CDK8: variants seen among roughly 807,000 people sequenced by gnomAD.
The protein encoded by CDK8 is cyclin dependent kinase 8.
CDK8 carries 29 observed loss-of-function variants against 71.5 expected under a neutral mutation model. That is an observed-to-expected ratio of 0.41 (90% CI 0.30 to 0.55). The LOEUF is 0.55. Among genes scored for constraint, CDK8 ranks in the 20% least tolerant of loss-of-function variants. The pLI is 0.37. For synonymous variants in CDK8, 161 were observed against 192.1 expected (o/e 0.84, Z 1.34); for missense variants, 288 against 572.6 (o/e 0.50, Z 5.07).
At chr13:26,326,781 C>T (rs1875038215) in intron 1 of CDK8, among the ~76,000 whole-genome samples, 1 of 152,164 alleles carries the variant, frequency 6.6e-6, no homozygotes, top group Admixed American at 6.5e-5. Flanking sequence ...CAGTCTCTGT[C>T]TAATGATGCT....
intron 1 of CDK8, among the ~76,000 whole-genome samples, chr13:26,314,738 AT>A (rs1199466757): frequency 2.0e-5 from 3 of 152,228 alleles, no homozygotes; most frequent in Non-Finnish European, 4.4e-5. Flanking sequence ...AGTCTTAAAA[AT>A]ATACTCATTT....
intron 1 of CDK8, among the ~76,000 whole-genome samples, chr13:26,285,387 A>G (rs1258102915): frequency 1.3e-5 from 2 of 152,264 alleles, no homozygotes; most frequent in East Asian, 1.9e-4. Context: ...CATCACATAA[A>G]CAGAATTAAA....
intron 6 of CDK8, among the ~76,000 whole-genome samples, chr13:26,388,832 CCTTT>C (rs1565996200): frequency 6.6e-6 from 1 of 152,128 alleles, no homozygotes; most frequent in African/African-American, 2.4e-5. Flanking sequence ...GGGAGAGAGG[CCTTT>C]CTTCATATTT....
Position 26,311,406 on chromosome 13 carries a change from G to T in CDK8, c.129-26161G>T, listed in dbSNP as rs528283904. Reference sequence around the variant, plus strand: ...CTTGTTTGTCTGTTAGAATGCGTTTGGTCGCAAATAATAGGAAATTCTGAC... The same window carrying T: ...CTTGTTTGTCTGTTAGAATGCGTTTTGTCGCAAATAATAGGAAATTCTGAC... On this transcript the variant is annotated intron_variant, in intron 1 of 12. Coordinates refer to ENST00000381527, the MANE Select transcript of CDK8 (RefSeq NM_001260.3). 9.9e-5 allele frequency among the ~76,000 whole-genome samples: 15 copies of T among 152,200 alleles called. No homozygotes were observed. The South Asian group carries it at 2.9e-3, about 29-fold the overall frequency.
Position 26,270,405 on chromosome 13 carries a change from T to TAC in CDK8, c.128+15650_128+15651dup, listed in dbSNP as rs1181433454. Among the ~76,000 whole-genome samples the TAC allele has an allele frequency of 6.9e-3, 986 of 143,878 alleles. 8 individuals are homozygous for TAC. Among genetic ancestry groups the TAC allele is most frequent in the African/African-American group, 0.025 (906 of 36,178 alleles). 94.4% of individuals were successfully genotyped at this position (143,878 alleles called of 152,430 possible). A position where few individuals can be genotyped will look rare whatever the true frequency, so the allele number is the denominator to read the frequency against. ...ACTCTGTCTCAAAAAAAAAAAAAAA[T>TAC]ACACACACACACACATACACAGTTT... On this transcript the variant is annotated intron_variant, in intron 1 of 12. Coordinates refer to ENST00000381527, the MANE Select transcript of CDK8 (RefSeq NM_001260.3).
chr13:26,348,647 G>A (rs1168881986), intron 2 of CDK8, among the ~76,000 whole-genome samples: 3 of 151,966 alleles, frequency 2.0e-5, no homozygotes, highest in Non-Finnish European at 4.4e-5. Flanking sequence ...AAAAAGGTTG[G>A]GAACCGCTGG....
intron 4 of CDK8, among the ~76,000 whole-genome samples, chr13:26,355,430 A>T (rs1873852077): frequency 6.6e-6 from 1 of 151,504 alleles, no homozygotes; most frequent in Non-Finnish European, 1.5e-5. Flanking sequence ...GCTGGCCAAG[A>T]TGGTGAAACC....
At chr13:26,278,429 G>A (rs534364968) in intron 1 of CDK8, among the ~76,000 whole-genome samples, 8 of 152,288 alleles carry the variant, frequency 5.3e-5, no homozygotes, top group South Asian at 4.1e-4. Flanking sequence ...CTAATCCTCC[G>A]ACCACCGTTT....
chr13:26,397,276 T>A, intron 9 of CDK8, 51 bp downstream of exon 9: 3 of 1,177,880 alleles, frequency 2.5e-6, no homozygotes, highest in African/African-American at 1.5e-5. Context: ...CTTAATTGAC[T>A]AGCCCAACTG....
intron 1 of CDK8, among the ~76,000 whole-genome samples, chr13:26,321,032 C>T (rs1035996853): frequency 7.2e-5 from 11 of 152,022 alleles, no homozygotes; most frequent in Admixed American, 1.3e-4. Flanking sequence ...CAAAAGAATT[C>T]AAAGGAGGCC....
At chr13:26,303,126 T>C (rs1460722148) in intron 1 of CDK8, among the ~76,000 whole-genome samples, 1 of 152,096 alleles carries the variant, frequency 6.6e-6, no homozygotes, top group Non-Finnish European at 1.5e-5. Flanking sequence ...TCTTTGGCTG[T>C]TATATTTTTT....
chr13:26,304,480 T>G (rs560078761), intron 1 of CDK8, among the ~76,000 whole-genome samples: 41 of 152,246 alleles, frequency 2.7e-4, no homozygotes, highest in African/African-American at 8.9e-4. Flanking sequence ...TCCTATTAAC[T>G]TGGATGCTTT....
chr13:26,288,675 A>G (rs1245472438), intron 1 of CDK8, among the ~76,000 whole-genome samples: 2 of 151,990 alleles, frequency 1.3e-5, no homozygotes, highest in African/African-American at 4.8e-5. Flanking sequence ...GAGAATTAAC[A>G]TCTTTCCAAT....
chr13:26,289,265 GGA>G (rs1261470447), intron 1 of CDK8, among the ~76,000 whole-genome samples: 1 of 151,598 alleles, frequency 6.6e-6, no homozygotes, highest in Non-Finnish European at 1.5e-5. Flanking sequence ...ATGTTGGCCA[GGA>G]TGGTCTCAAT....
At chr13:26,374,580 G>GA (rs1414486952) in intron 4 of CDK8, among the ~76,000 whole-genome samples, 2 of 151,754 alleles carry the variant, frequency 1.3e-5, no homozygotes, top group Non-Finnish European at 2.9e-5. Flanking sequence ...AATATATTAG[G>GA]AAAATGGCAA....
At chr13:26,354,221 A>G (rs766726338) in intron 4 of CDK8, among the ~76,000 whole-genome samples, 19 of 152,204 alleles carry the variant, frequency 1.2e-4, no homozygotes, top group African/African-American at 4.6e-4. Flanking sequence ...TAACTTGAAA[A>G]TAAAATTTTG....
At chr13:26,343,048 T>G (rs1179466468) in intron 2 of CDK8, among the ~76,000 whole-genome samples, 1 of 152,162 alleles carries the variant, frequency 6.6e-6, no homozygotes, top group East Asian at 1.9e-4. Context: ...CCAGCCAGAT[T>G]AGATTAGGGC....
At chr13:26,283,638 G>A (rs1872866602) in intron 1 of CDK8, among the ~76,000 whole-genome samples, 1 of 151,836 alleles carries the variant, frequency 6.6e-6, no homozygotes, top group Non-Finnish European at 1.5e-5. Context: ...AGTGGCTTAT[G>A]CCTATAATCC....
At chr13:26,293,882 T>TA (rs1463657809) in intron 1 of CDK8, among the ~76,000 whole-genome samples, 1 of 152,118 alleles carries the variant, frequency 6.6e-6, no homozygotes, top group Non-Finnish European at 1.5e-5. Context: ...TTTTCCTGCT[T>TA]AATTGAAATT....
Sources: allele counts gnomAD v4.1 joint callset (sites outside exome capture counted in the v4.1 genomes callset), GRCh38; gene constraint gnomAD v4.1.1; transcripts MANE v1.5; gene names NCBI Gene and HGNC (gene_info 2026-07-23, HGNC 2026-07-21).